PEMT: variants seen among roughly 807,000 people sequenced by gnomAD.
PEMT encodes phosphatidylethanolamine N-methyltransferase.
A neutral mutation model predicts 27.4 loss-of-function variants in PEMT; 23 were observed. The observed-to-expected ratio is 0.84, with a 90% confidence interval of 0.60 to 1.19. The LOEUF is 1.19. Among genes scored for constraint, PEMT ranks in the 50% most tolerant of loss-of-function variants. The pLI, the probability that PEMT is intolerant of heterozygous loss-of-function variation, is 0.00. For missense variants in PEMT, 307 were observed against 310.1 expected (o/e 0.99, Z 0.07); for synonymous variants, 137 against 139.1 (o/e 0.98, Z 0.11).
intron 5 of PEMT, 103 bp from the exon 6 acceptor site, chr17:17,506,404 G>T: frequency 1.3e-6 from 1 of 792,480 alleles, no homozygotes; most frequent in Non-Finnish European, 2.0e-6. Context: ...CTGGCCCTCC[G>T]GCCGACGCTG....
intron 5 of PEMT, chr17:17,507,506 G>A (rs1359206822): frequency 7.3e-6 from 3 of 411,080 alleles, no homozygotes; most frequent in African/African-American, 2.0e-5. Flanking sequence ...CAGGGCAGAC[G>A]TAAGCAAAGA....
At chr17:17,521,894 A>C (rs1336592512) in intron 3 of PEMT, among the ~76,000 whole-genome samples, 1 of 152,082 alleles carries the variant, frequency 6.6e-6, no homozygotes, top group Non-Finnish European at 1.5e-5. Flanking sequence ...CGCTGATTCA[A>C]ACCTAACCTG....
At chr17:17,545,158 C>T (rs9902662) in intron 2 of PEMT, among the ~76,000 whole-genome samples, 225 of 152,348 alleles carry the variant, frequency 1.5e-3, no homozygotes, top group African/African-American at 5.2e-3. Flanking sequence ...GGAATCATGG[C>T]GTGTTGAGCG....
intron 4 of PEMT, 35 bp from the exon 5 acceptor site, chr17:17,509,580 T>G (rs1263982638): frequency 7.0e-7 from 1 of 1,434,540 alleles, no homozygotes; most frequent in African/African-American, 1.4e-5. Flanking sequence ...CCTCGGCTAT[T>G]CATCAGCCCT....
At chr17:17,508,436 C>T (rs1313345233) in intron 5 of PEMT, 2 of 209,600 alleles carry the variant, frequency 9.5e-6, no homozygotes, top group Non-Finnish European at 1.9e-5. Flanking sequence ...CCAACCCCCG[C>T]TGCTACGGTC....
intron 3 of PEMT, among the ~76,000 whole-genome samples, chr17:17,514,838 A>G (rs1906699978): frequency 6.6e-6 from 1 of 152,216 alleles, no homozygotes. Flanking sequence ...CCCTGCAAGC[A>G]TCTGGCTCCT....
chr17:17,528,866 C>G (rs1177772228), intron 2 of PEMT, among the ~76,000 whole-genome samples: 1 of 152,246 alleles, frequency 6.6e-6, no homozygotes, highest in African/African-American at 2.4e-5. Flanking sequence ...CCTAGGCCGG[C>G]CCCGATGGCC....
chr17:17,528,111 A>G (rs1193099928), intron 2 of PEMT, among the ~76,000 whole-genome samples: 1 of 152,204 alleles, frequency 6.6e-6, no homozygotes, highest in African/African-American at 2.4e-5. Context: ...GGCCCACGGA[A>G]CCACTGAAGG....
intron 2 of PEMT, among the ~76,000 whole-genome samples, chr17:17,558,682 GAAAA>G (rs141641212): frequency 1.0e-5 from 1 of 95,538 alleles, no homozygotes; most frequent in Non-Finnish European, 2.2e-5. Flanking sequence ...CCAGTCTCAC[GAAAA>G]AAAAAAAAAA....
At chr17:17,562,953 GC>G (rs889716337) in intron 2 of PEMT, among the ~76,000 whole-genome samples, 31 of 148,434 alleles carry the variant, frequency 2.1e-4, no homozygotes, top group African/African-American at 8.1e-4. Flanking sequence ...GAACCTGCAT[GC>G]AGCCATCCTT....
chr17:17,563,816 G>C (rs755745228), intron 2 of PEMT, among the ~76,000 whole-genome samples: 1 of 152,216 alleles, frequency 6.6e-6, no homozygotes, highest in African/African-American at 2.4e-5. Context: ...CACTAGGGCA[G>C]CCAGCTCCAG....
chr17:17,585,150 C>T (rs1378050575), intron 1 of PEMT, among the ~76,000 whole-genome samples: 6 of 152,082 alleles, frequency 3.9e-5, no homozygotes, highest in Admixed American at 3.9e-4. Context: ...CTAGCCTAGC[C>T]GATATGGTGA....
intron 2 of PEMT, among the ~76,000 whole-genome samples, chr17:17,558,178 A>G (rs1910201884): frequency 6.6e-6 from 1 of 151,382 alleles, no homozygotes; most frequent in Admixed American, 6.6e-5. Context: ...TCCCGTCTCC[A>G]CACACATACA....
At chr17:17,545,752 G>C (rs1158550175) in intron 2 of PEMT, among the ~76,000 whole-genome samples, 2 of 152,212 alleles carry the variant, frequency 1.3e-5, no homozygotes, top group Non-Finnish European at 2.9e-5. Flanking sequence ...CTCCGTTTTA[G>C]AGATGCTATG....
chr17:17,570,701 G>A, intron 2 of PEMT: 1 of 985,440 alleles, frequency 1.0e-6, no homozygotes, highest in Non-Finnish European at 1.2e-6. Flanking sequence ...TCCCGGGACA[G>A]GGGAAAAGTT....
intron 2 of PEMT, among the ~76,000 whole-genome samples, chr17:17,542,498 T>C (rs960925237): frequency 1.3e-5 from 2 of 152,182 alleles, no homozygotes; most frequent in African/African-American, 4.8e-5. Context: ...ACTACCCTCC[T>C]GGCTAACGCT....
chr17:17,520,467 C>A (rs879352374), intron 3 of PEMT, among the ~76,000 whole-genome samples: 10 of 152,232 alleles, frequency 6.6e-5, no homozygotes, highest in Non-Finnish European at 1.0e-4. Context: ...CTCGGGCAAC[C>A]ATTGCTTCTT....
chr17:17,559,194 T>A (rs1039265503), intron 2 of PEMT, among the ~76,000 whole-genome samples: 80 of 152,130 alleles, frequency 5.3e-4, no homozygotes, highest in African/African-American at 1.8e-3. Context: ...CAGCCCCTTC[T>A]CCACGCCTGG....
intron 2 of PEMT, among the ~76,000 whole-genome samples, chr17:17,531,344 T>C (rs1908077833): frequency 6.6e-6 from 1 of 152,126 alleles, no homozygotes; most frequent in African/African-American, 2.4e-5. Context: ...TGGTTTTTTT[T>C]TTCTTTTTTA....
Sources: gnomAD v4.1 joint callset for allele counts (sites outside exome capture counted in the v4.1 genomes callset) on GRCh38, gnomAD v4.1.1 for gene constraint, MANE v1.5 for transcripts, NCBI Gene and HGNC (gene_info 2026-07-23, HGNC 2026-07-21) for gene names.